SEPTIN8: variants seen among roughly 807,000 people sequenced by gnomAD.
The protein encoded by SEPTIN8 is septin-8.
A neutral mutation model predicts 53.1 loss-of-function variants in SEPTIN8; 22 were observed. That is an observed-to-expected ratio of 0.41 (90% CI 0.30 to 0.59). The LOEUF is 0.59. Among genes scored for constraint, SEPTIN8 ranks in the 20% least tolerant of loss-of-function variants. SEPTIN8 has a pLI of 0.24. For synonymous variants in SEPTIN8, 228 were observed against 248.4 expected (o/e 0.92, Z 0.77); for missense variants, 536 against 638.7 (o/e 0.84, Z 1.73).
At chr5:132,768,869 C>T (rs1367748069) in intron 1 of SEPTIN8, among the ~76,000 whole-genome samples, 1 of 152,226 alleles carries the variant, frequency 6.6e-6, no homozygotes, top group Non-Finnish European at 1.5e-5. Context: ...TTTTCCCCTT[C>T]CCCCTGGCCA....
At chr5:132,770,766 C>T (rs1289255528) in intron 1 of SEPTIN8, among the ~76,000 whole-genome samples, 1 of 152,176 alleles carries the variant, frequency 6.6e-6, no homozygotes, top group Non-Finnish European at 1.5e-5. Context: ...AAGCCTCTGG[C>T]TCATTCCACA....
At position 132,777,174 on chromosome 5, in the gene SEPTIN8, C is replaced by A. The variant is rs960056635; in HGVS notation, c.-37G>T. 5.1e-6 allele frequency: 6 copies of A among 1,165,414 alleles called. No homozygotes were observed. The highest frequency in any genetic ancestry group is 6.4e-6 in the Non-Finnish European group (6 of 944,670). The allele number at this position is 1,165,414 out of a possible 1,614,324, so 72.2% of individuals were successfully genotyped here. The stretch of plus-strand genomic sequence containing the variant: ...CACCGGGCGGGTGGGCTGGGACGAG[C>A]GCAGGGGCAGCGACAGGGACCAGCC... On this transcript the variant is annotated 5_prime_UTR_variant, in exon 1 of 10. Transcript: ENST00000378719. The surrounding 1 kb of genome is among the most constrained non-coding windows in gnomAD (Gnocchi z 4.1).
chr5:132,756,380 A>C (rs1755343592), intron 9 of SEPTIN8: 2 of 984,778 alleles, frequency 2.0e-6, no homozygotes, highest in Non-Finnish European at 2.4e-6. Context: ...TTGGGCAACG[A>C]ATTATATGGT....
chr5:132,752,183 TAAAG>T lies in SEPTIN8; in HGVS notation c.1287-6_1287-3del. ...TGGTGTGCTCCTATATCTGATCTGCTAAAGAAAGCACAGGTAGACATCAACTTTG... is the reference window on the plus strand; with the variant it reads ...TGGTGTGCTCCTATATCTGATCTGCTAAAGCACAGGTAGACATCAACTTTG... On this transcript the variant is annotated splice_region_variant and splice_polypyrimidine_tract_variant and intron_variant, in intron 9 of 9. Coordinates refer to ENST00000378719, the MANE Select transcript of SEPTIN8 (RefSeq NM_001098811.2). 6.3e-7 allele frequency: 1 copy of T among 1,578,044 alleles called. No individual in the cohort carries two copies. Among genetic ancestry groups the T allele is most frequent in the Non-Finnish European group, 8.6e-7 (1 of 1,160,356 alleles).
chr5:132,777,264 A>G, upstream of SEPTIN8: 1 of 1,126,852 alleles, frequency 8.9e-7, no homozygotes, highest in Non-Finnish European at 1.1e-6. This position sits in a 1 kb window ranked among gnomAD's most constrained non-coding sequence, Gnocchi z 4.1. Flanking sequence ...CACTTCCTGG[A>G]AACTCCCCTT....
rs139267387 is a variant in SEPTIN8 at position 132,763,559 on chromosome 5, C to T, written c.534+147G>A. ...TGGAGCAGGAGGAACAGACGCAAGA[C>T]AGAGAGAGGACCGAGCCAATGGGGG... On this transcript the variant is annotated intron_variant, in intron 4 of 9. Transcript: ENST00000378719. 481 of 701,528 alleles carry T rather than the reference C, an allele frequency of 6.9e-4. 8 individuals are homozygous for T. In the East Asian group the frequency reaches 0.012, roughly 17 times the overall value. 43.5% of individuals were successfully genotyped at this position (701,528 alleles called of 1,614,324 possible). A position where few individuals can be genotyped will look rare whatever the true frequency, so the allele number is the denominator to read the frequency against.
intron 1 of SEPTIN8, among the ~76,000 whole-genome samples, chr5:132,768,472 G>A (rs561317342): frequency 7.9e-5 from 12 of 152,332 alleles, no homozygotes; most frequent in African/African-American, 2.4e-4. Flanking sequence ...ATCGACATGT[G>A]ATCTAAGTTG....
At chr5:132,771,853 C>T (rs1474099922) in intron 1 of SEPTIN8, among the ~76,000 whole-genome samples, 1 of 121,950 alleles carries the variant, frequency 8.2e-6, no homozygotes, top group East Asian at 2.6e-4. Flanking sequence ...TCAGAGGTTA[C>T]GGGAAATAAC....
intron 9 of SEPTIN8, among the ~76,000 whole-genome samples, chr5:132,754,955 C>G (rs1256159092): frequency 1.3e-5 from 2 of 152,138 alleles, no homozygotes; most frequent in African/African-American, 4.8e-5. Flanking sequence ...GCAGGGGGAG[C>G]ATCATAGACC....
In SEPTIN8 at chr5:132,751,605, G is replaced by A. The variant is rs1012210145; in HGVS notation, c.*411C>T. On this transcript the variant is annotated 3_prime_UTR_variant, in exon 10 of 10. Coordinates refer to ENST00000378719, the MANE Select transcript of SEPTIN8 (RefSeq NM_001098811.2). Reference sequence around the variant, plus strand: ...TTCATTACGAAAACTGGCCACCGTTGCCAAGTTGCAGAGTTTCGTCTTATG... The same window carrying A: ...TTCATTACGAAAACTGGCCACCGTTACCAAGTTGCAGAGTTTCGTCTTATG... The A allele has an allele frequency of 3.2e-6, 1 of 311,650 alleles. No homozygotes were observed. The highest frequency in any genetic ancestry group is 5.9e-6 in the Non-Finnish European group (1 of 169,954). 19.3% of individuals were successfully genotyped at this position (311,650 alleles called of 1,614,324 possible). A position where few individuals can be genotyped will look rare whatever the true frequency, so the allele number is the denominator to read the frequency against.
At chr5:132,758,784 CTA>C in intron 9 of SEPTIN8, 6 of 1,614,086 alleles carry the variant, frequency 3.7e-6, no homozygotes, top group Non-Finnish European at 5.1e-6. Context: ...ACATGAAAGT[CTA>C]AAGTCCACTC....
intron 1 of SEPTIN8, among the ~76,000 whole-genome samples, chr5:132,766,681 G>A (rs558643973): frequency 1.2e-3 from 180 of 152,302 alleles, no homozygotes; most frequent in African/African-American, 4.2e-3. Flanking sequence ...GCCCATAGCC[G>A]CAGGGTGGTG....
intron 1 of SEPTIN8, among the ~76,000 whole-genome samples, chr5:132,771,843 T>A (rs1166649085): frequency 7.5e-6 from 1 of 133,350 alleles, no homozygotes; most frequent in African/African-American, 2.9e-5. Flanking sequence ...TAAGCCCAGG[T>A]CAGAGGTTAC....
rs1254405294 is a variant in SEPTIN8, at chr5:132,751,960, C to G, written c.*56G>C. 1.2e-6 allele frequency: 2 copies of G among 1,604,858 alleles called. No individual in the cohort carries two copies. The highest frequency in any genetic ancestry group is 8.5e-7 in the Non-Finnish European group (1 of 1,175,454). Reference sequence around the variant, plus strand: ...CTGTTCTAACATTAAAAACCATGGTCTCCAGTTCCATGCCCTGGTGGTCCT... The same window carrying G: ...CTGTTCTAACATTAAAAACCATGGTGTCCAGTTCCATGCCCTGGTGGTCCT... On this transcript the variant is annotated 3_prime_UTR_variant, in exon 10 of 10. Coordinates refer to ENST00000378719, the MANE Select transcript of SEPTIN8 (RefSeq NM_001098811.2).
intron 5 of SEPTIN8, 113 bp from the exon 6 acceptor site, chr5:132,762,009 C>T: frequency 1.2e-6 from 1 of 847,598 alleles, no homozygotes; most frequent in South Asian, 1.8e-5. Context: ...ACAAAGGCTC[C>T]AGGGCCAGAT....
intron 1 of SEPTIN8, among the ~76,000 whole-genome samples, chr5:132,767,943 C>CCACACACACACACA (rs57640097): frequency 0.018 from 2,322 of 127,918 alleles, 99 homozygotes; most frequent in East Asian, 0.11. Context: ...TGTCTGGAAA[C>CCACACACACACACA]CACACACACA....
chr5:132,763,955 G>T, intron 3 of SEPTIN8, 63 bp from the exon 4 acceptor site: 2 of 1,471,868 alleles, frequency 1.4e-6, no homozygotes, highest in Non-Finnish European at 1.8e-6. Flanking sequence ...GGCTTGGGGG[G>T]CTCAGGGCTC....
chr5:132,771,556 C>T (rs1236494985), intron 1 of SEPTIN8, among the ~76,000 whole-genome samples: 1 of 152,202 alleles, frequency 6.6e-6, no homozygotes, highest in Non-Finnish European at 1.5e-5. Flanking sequence ...CAGGGGAGCT[C>T]CAGCCCTGGG....
chr5:132,754,386 G>A (rs1007704163), intron 9 of SEPTIN8: 1 of 717,206 alleles, frequency 1.4e-6, no homozygotes, highest in African/African-American at 1.7e-5. Context: ...CAGTGCATGA[G>A]GCAGAAGGAC....
Sources: gnomAD v4.1 joint callset for allele counts (sites outside exome capture counted in the v4.1 genomes callset) on GRCh38, gnomAD v4.1.1 for gene constraint, Gnocchi (gnomAD v3.1) non-coding constraint, MANE v1.5 for transcripts, NCBI Gene and HGNC (gene_info 2026-07-23, HGNC 2026-07-21) for gene names.